The following MON1A variants were observed in gnomAD, a reference collection of about 807,000 sequenced individuals.
MON1A encodes vacuolar fusion protein MON1 homolog A.
In MON1A, 29 loss-of-function variants were observed where a neutral mutation model predicts 44.6. That is an observed-to-expected ratio of 0.65 (90% CI 0.48 to 0.89). The LOEUF (loss-of-function observed/expected upper bound fraction) is 0.89. Ranked by LOEUF, MON1A falls within the 40% of genes least tolerant of loss-of-function variation. MON1A has a pLI of 0.00. For missense variants in MON1A, 615 were observed against 759.6 expected, an observed-to-expected ratio of 0.81 and a Z score of 2.24; for synonymous variants, 275 against 316.4, an observed-to-expected ratio of 0.87 and a Z score of 1.39.
chr3:49,910,146 TTA>T lies in MON1A; in HGVS notation c.1350_1351del (p.Tyr450Ter). 6.2e-7 allele frequency: 1 copy of T among 1,605,698 alleles called. No individual in the cohort carries two copies. Among genetic ancestry groups the T allele is most frequent in the Non-Finnish European group, 8.5e-7 (1 of 1,173,492 alleles). ...GGTGAAGAGTCCCGAGCTCTTTGAC[TTA>T]TAGAGGAAGTGACGCAGGTCAGGGA... is the stretch of plus-strand genomic sequence containing the variant. On this transcript the variant is annotated stop_gained and frameshift_variant, in exon 4 of 6. Transcript: ENST00000296473. LOFTEE classifies it high-confidence loss of function. The surrounding 1 kb of genome is among the most constrained non-coding windows in gnomAD (Gnocchi z 8.0).
At chr3:49,922,283 T>TA (rs1260078943) in intron 1 of MON1A, among the ~76,000 whole-genome samples, 1 of 150,894 alleles carries the variant, frequency 6.6e-6, no homozygotes, top group Non-Finnish European at 1.5e-5. Flanking sequence ...CCGTCTCTAT[T>TA]AAAAATAAAA....
Position 49,908,900 on chromosome 3 carries a change from C to A in MON1A, c.*114G>T. The A allele has an allele frequency of 7.7e-7, 1 of 1,301,204 alleles. No homozygotes were observed. The allele number at this position is 1,301,204 out of a possible 1,614,324, so 80.6% of individuals were successfully genotyped here. ...CCCCAAAGCACTTTAATGCATTCAC[C>A]AACCCACAGTCCCTGCCCGCTGGCT... On this transcript the variant is annotated 3_prime_UTR_variant, in exon 6 of 6. Coordinates refer to ENST00000296473, the MANE Select transcript of MON1A (RefSeq NM_032355.4).
chr3:49,911,570 G>A lies in MON1A; in HGVS notation c.569C>T (p.Ser190Phe). The stretch of plus-strand genomic sequence containing the variant: ...GGCGTTCTTGTCTGCCTCCAGGAAG[G>A]ACACCAGGGCCACCATAACACCCAT... ...STMGVMVALV[S>F]FLEADKNAIR... The change falls in exon 3 of 6, where the codon TCC becomes TTC. Residue 190 changes from serine (S) to phenylalanine (F), a missense_variant. By Grantham distance (155) the Ser-to-Phe change is radical (BLOSUM62 -2). Transcript: ENST00000296473. This position sits in a 1 kb window ranked among gnomAD's most constrained non-coding sequence, Gnocchi z 5.7. The A allele has an allele frequency of 6.2e-7, 1 of 1,613,716 alleles. No homozygotes were observed. Among genetic ancestry groups the A allele is most frequent in the Non-Finnish European group, 8.5e-7 (1 of 1,179,754 alleles).
Position 49,929,654 on chromosome 3 carries a change from G to A in MON1A, c.-59C>T. On this transcript the variant is annotated 5_prime_UTR_variant, in exon 1 of 6. The change creates a premature stop within an existing upstream ORF in the 5' untranslated region. Transcript: ENST00000296473. ...GGACGCACAGAAGGTGCCGGTCACT[G>A]CCCTCTGCCGGACCCATGGAGGGGT... 1 of 1,551,470 alleles carries A rather than the reference G, an allele frequency of 6.4e-7. No individual in the cohort carries two copies. Among genetic ancestry groups the A allele is most frequent in the Non-Finnish European group, 8.7e-7 (1 of 1,146,940 alleles).
chr3:49,913,184 G>A, intron 2 of MON1A, 36 bp downstream of exon 2: 1 of 1,614,186 alleles, frequency 6.2e-7, no homozygotes, highest in Admixed American at 1.7e-5. Flanking sequence ...GACTGCTCTG[G>A]TTGGCAGCTG....
At chr3:49,921,922 G>A (rs1035929249) in intron 1 of MON1A, among the ~76,000 whole-genome samples, 1 of 151,824 alleles carries the variant, frequency 6.6e-6, no homozygotes, top group African/African-American at 2.4e-5. Flanking sequence ...TGGATCACCT[G>A]AAGTCAGGAG....
At chr3:49,912,187 GTCTCC>G (rs1308793429) in intron 2 of MON1A, among the ~76,000 whole-genome samples, 176 bp from the exon 3 acceptor site, 1 of 152,162 alleles carries the variant, frequency 6.6e-6, no homozygotes, top group Non-Finnish European at 1.5e-5. Flanking sequence ...CAGCCCACCA[GTCTCC>G]TCTCATCGTA....
Position 49,909,060 on chromosome 3 carries a change from C to A in MON1A, c.1622G>T (p.Arg541Leu). ...AATGAAGAGGCGGTCTTCCTCTTTG[C>A]GGATCCAGCGCATCAGCTTATGGAT... ...SAIHKLMRWI[R>L]KEEDRLFILT... Residue 541 changes from arginine to leucine, a missense_variant, in exon 6 of 6, where the codon CGC (arginine) becomes CTC (leucine). Transcript: ENST00000296473. The surrounding 1 kb of genome is among the most constrained non-coding windows in gnomAD (Gnocchi z 4.0). The A allele has an allele frequency of 2.5e-6, 4 of 1,613,884 alleles. No individual in the cohort carries two copies. Among genetic ancestry groups the A allele is most frequent in the Non-Finnish European group, 3.4e-6 (4 of 1,179,902 alleles).
rs72938199 is a variant in MON1A at position 49,910,002 on chromosome 3, C to T, written c.1379+117G>A. ...AGTAAAACAGGCCCAGCACACTGGTCTGCTTCCAAAGGTAGGGACAGCTTC... is the reference window on the plus strand; with the variant it reads ...AGTAAAACAGGCCCAGCACACTGGTTTGCTTCCAAAGGTAGGGACAGCTTC... On this transcript the variant is annotated intron_variant, in intron 4 of 5. Coordinates refer to ENST00000296473, the MANE Select transcript of MON1A (RefSeq NM_032355.4). The surrounding 1 kb of genome is among the most constrained non-coding windows in gnomAD (Gnocchi z 8.0). The T allele has an allele frequency of 1.2e-3, 1,484 of 1,195,446 alleles. 16 individuals carry two copies. In the African/African-American group the frequency reaches 0.019, roughly 16 times the overall value. The allele number at this position is 1,195,446 out of a possible 1,614,324, so 74.1% of individuals were successfully genotyped here.
chr3:49,929,335 CG>C (rs2083075093), intron 1 of MON1A: 2 of 482,660 alleles, frequency 4.1e-6, no homozygotes, highest in Non-Finnish European at 7.2e-6. Flanking sequence ...CGTTTGTTGG[CG>C]GGGCGGGGGT....
At chr3:49,922,357 G>A (rs2083006700) in intron 1 of MON1A, among the ~76,000 whole-genome samples, 1 of 152,076 alleles carries the variant, frequency 6.6e-6, no homozygotes, top group South Asian at 2.1e-4. Context: ...TGAGGCAGGA[G>A]AATCGCTTGA....
In MON1A at chr3:49,913,173, A is replaced by G. The variant is rs1245936464; in HGVS notation, c.127+47T>C. On this transcript the variant is annotated intron_variant, in intron 2 of 5. Transcript: ENST00000296473. ...GGTTGGGAATCCTAATTCCCCCTGG[A>G]GACTGCTCTGGTTGGCAGCTGGCTG... is the stretch of plus-strand genomic sequence containing the variant. 1.9e-6 allele frequency: 3 copies of G among 1,613,764 alleles called. No homozygotes were observed. The South Asian group carries it at 3.3e-5, about 18-fold the overall frequency.
At position 49,910,161 on chromosome 3, in the gene MON1A, C is replaced by T. The variant is rs776943755; in HGVS notation, c.1337G>A (p.Arg446His). Residue 446 changes from arginine (R) to histidine (H), a missense_variant, in exon 4 of 6, where the codon CGT becomes CAT. Transcript: ENST00000296473. This position sits in a 1 kb window ranked among gnomAD's most constrained non-coding sequence, Gnocchi z 8.0. ...GCTCTTTGACTTATAGAGGAAGTGA[C>T]GCAGGTCAGGGATGCCCACTTGGGC... ...SVAQVGIPDLRHFLYKSKSSG... is the reference protein window; with the variant it reads ...SVAQVGIPDLHHFLYKSKSSG... 3.7e-6 allele frequency: 6 copies of T among 1,608,150 alleles called. No individual in the cohort carries two copies. The highest frequency in any genetic ancestry group is 2.2e-5 in the East Asian group (1 of 44,698).
At chr3:49,914,540 ATTTTTTT>A (rs35967703) in intron 1 of MON1A, among the ~76,000 whole-genome samples, 28 of 85,982 alleles carry the variant, frequency 3.3e-4, no homozygotes, top group Admixed American at 8.2e-4. Flanking sequence ...CGCCTGCCTA[ATTTTTTT>A]TTTTTTTTTT....
intron 1 of MON1A, among the ~76,000 whole-genome samples, chr3:49,925,900 C>A (rs1299231481): frequency 2.0e-5 from 3 of 152,240 alleles, no homozygotes; most frequent in African/African-American, 7.2e-5. Flanking sequence ...ACCAGTGTCT[C>A]TCTAGGAGAT....
chr3:49,923,746 T>A (rs1351427460), intron 1 of MON1A, among the ~76,000 whole-genome samples: 2 of 147,890 alleles, frequency 1.4e-5, no homozygotes, highest in East Asian at 4.5e-4. Context: ...CCACCTCACC[T>A]GGCCAAGAAA....
chr3:49,913,073 C>T (rs1388198780), intron 2 of MON1A, 147 bp downstream of exon 2: 6 of 1,098,216 alleles, frequency 5.5e-6, no homozygotes, highest in Non-Finnish European at 8.2e-6. Flanking sequence ...GCCTGGCCTC[C>T]TGCCTTATCC....
At chr3:49,912,933 G>T in intron 2 of MON1A, 1 of 530,016 alleles carries the variant, frequency 1.9e-6, no homozygotes, top group Admixed American at 2.6e-5. Flanking sequence ...GGCCTAACTC[G>T]TGAGGAGGGG....
chr3:49,914,159 C>T (rs1190125626), intron 1 of MON1A, among the ~76,000 whole-genome samples: 3 of 149,310 alleles, frequency 2.0e-5, no homozygotes, highest in Admixed American at 6.7e-5. Flanking sequence ...GGCGTAATCT[C>T]GGCTCACCGC....
Sources: gnomAD v4.1 joint callset for allele counts (sites outside exome capture counted in the v4.1 genomes callset) on GRCh38, gnomAD v4.1.1 for gene constraint, Gnocchi (gnomAD v3.1) non-coding constraint, MANE v1.5 for transcripts, NCBI Gene and HGNC (gene_info 2026-07-23, HGNC 2026-07-21) for gene names.